Variants in CFHR1 observed in about 807,000 individuals in gnomAD.
CFHR1 encodes the protein complement factor H-related protein 1.
A neutral mutation model predicts 30.4 loss-of-function variants in CFHR1; 22 were observed. The observed-to-expected ratio is 0.72, with a 90% confidence interval of 0.52 to 1.03. The LOEUF (loss-of-function observed/expected upper bound fraction) is 1.03, where lower values mean the gene tolerates loss of function less well. Among genes scored for constraint, CFHR1 ranks in the 50% least tolerant of loss-of-function variants. The pLI, the probability that CFHR1 is intolerant of heterozygous loss-of-function variation, is 0.00. For missense variants in CFHR1, 248 were observed against 380.6 expected, an observed-to-expected ratio of 0.65 and a Z score of 2.90; for synonymous variants, 95 against 129.1, an observed-to-expected ratio of 0.74 and a Z score of 1.79.
At chr1:196,830,792 C>T in intron 5 of CFHR1, 110 bp downstream of exon 5, 1 of 1,358,212 alleles carries the variant, frequency 7.4e-7, no homozygotes, top group Non-Finnish European at 1.0e-6. Flanking sequence ...CTGCTGAATG[C>T]CTGCCTACCA....
rs190159346 is a variant in CFHR1, at chr1:196,830,489, A to G, written c.608-11A>G. 66 of 1,525,112 alleles carry G rather than the reference A, an allele frequency of 4.3e-5. 5 individuals are homozygous for G. In the East Asian group the frequency reaches 1.4e-3, roughly 32 times the overall value. The allele number at this position is 1,525,112 out of a possible 1,614,324, so 94.5% of individuals were successfully genotyped here. ...TCACAATAAATCAAGTGATGAAATG[A>G]TGTTTTTTAGATTCTACGGGAAAAT... On this transcript the variant is annotated splice_polypyrimidine_tract_variant and intron_variant, in intron 4 of 5. Transcript: ENST00000320493.
rs1292153209 is a variant in CFHR1 at position 196,826,814 on chromosome 1, G to A, written c.254-15G>A. ...CTACTTCCATCTTGTACATTAATCC[G>A]TTTTTGGTCCTTAGGACTGTGTTTC... On this transcript the variant is annotated splice_polypyrimidine_tract_variant and intron_variant, in intron 2 of 5. Transcript: ENST00000320493. 2.2e-5 allele frequency: 33 copies of A among 1,516,998 alleles called. 2 individuals carry two copies. Among genetic ancestry groups the A allele is most frequent in the South Asian group, 3.8e-5 (3 of 79,968 alleles). 94.0% of individuals were successfully genotyped at this position (1,516,998 alleles called of 1,614,324 possible). A position where few individuals can be genotyped will look rare whatever the true frequency, so the allele number is the denominator to read the frequency against.
chr1:196,825,532 A>G lies in CFHR1; in HGVS notation c.114A>G (p.Lys38=). The change falls in exon 2 of 6, where the codon AAA becomes AAG. Residue 38 remains lysine, a synonymous_variant. Transcript: ENST00000320493. ...INHGILYDEE[K]YKPFSQVPTG... Reference sequence around the variant, plus strand: ...ATGGAATTCTATATGATGAAGAAAAATATAAGCCATTTTCCCAGGTTCCTA... The same window carrying G: ...ATGGAATTCTATATGATGAAGAAAAGTATAAGCCATTTTCCCAGGTTCCTA... 1 of 1,521,050 alleles carries G rather than the reference A, an allele frequency of 6.6e-7. No individual in the cohort carries two copies. Among genetic ancestry groups the G allele is most frequent in the Middle Eastern group, 1.9e-4 (1 of 5,340 alleles). 94.2% of individuals were successfully genotyped at this position (1,521,050 alleles called of 1,614,324 possible). A position where few individuals can be genotyped will look rare whatever the true frequency, so the allele number is the denominator to read the frequency against.
Position 196,827,018 on chromosome 1 carries a change from C to G in CFHR1, c.430+13C>G. ...TGCAGGTCCACTGGTAAGTACAATGCTGTTCTCTCATATGCTGTTATCTAT... is the reference window on the plus strand; with the variant it reads ...TGCAGGTCCACTGGTAAGTACAATGGTGTTCTCTCATATGCTGTTATCTAT... On this transcript the variant is annotated intron_variant, in intron 3 of 5. Coordinates refer to ENST00000320493, the MANE Select transcript of CFHR1 (RefSeq NM_002113.3). The G allele has an allele frequency of 6.6e-7, 1 of 1,516,914 alleles. No homozygotes were observed. Among genetic ancestry groups the G allele is most frequent in the Non-Finnish European group, 8.9e-7 (1 of 1,121,886 alleles). 94.0% of individuals were successfully genotyped at this position (1,516,914 alleles called of 1,614,324 possible). A position where few individuals can be genotyped will look rare whatever the true frequency, so the allele number is the denominator to read the frequency against.
Position 196,823,337 on chromosome 1 carries a change from G to A in CFHR1, c.59-2140G>A, listed in dbSNP as rs1655196704. On this transcript the variant is annotated intron_variant, in intron 1 of 5. Coordinates refer to ENST00000320493, the MANE Select transcript of CFHR1 (RefSeq NM_002113.3). ...CTGAAGCATAGGTACAATATAAATG[G>A]TTGATGAAAACCAAGTTATTCTGGA... Among the ~76,000 whole-genome samples the A allele has an allele frequency of 1.5e-5, 2 of 134,018 alleles. 1 individual carries two copies. The highest frequency in any genetic ancestry group is 6.4e-5 in the African/African-American group (2 of 31,078). 87.9% of individuals were successfully genotyped at this position (134,018 alleles called of 152,430 possible).
rs1237669941 is a variant in CFHR1 at position 196,831,064 on chromosome 1, G to A, written c.790+382G>A. ...GGAAAATGGCGGGAACCCGGGAGGC[G>A]GAGCTTGCAGTGAGCCGAGTTCGCG... On this transcript the variant is annotated intron_variant, in intron 5 of 5. Coordinates refer to ENST00000320493, the MANE Select transcript of CFHR1 (RefSeq NM_002113.3). Among the ~76,000 whole-genome samples the A allele has an allele frequency of 5.2e-5, 7 of 135,202 alleles. 1 individual carries two copies. The highest frequency in any genetic ancestry group is 2.1e-4 in the Admixed American group (3 of 14,120). 88.7% of individuals were successfully genotyped at this position (135,202 alleles called of 152,430 possible).
In CFHR1 at chr1:196,825,577, C is replaced by T; in HGVS notation, c.159C>T (p.Tyr53=). The T allele has an allele frequency of 6.6e-7, 1 of 1,523,760 alleles. No homozygotes were observed. Among genetic ancestry groups the T allele is most frequent in the Middle Eastern group, 1.9e-4 (1 of 5,348 alleles). 94.4% of individuals were successfully genotyped at this position (1,523,760 alleles called of 1,614,324 possible). A position where few individuals can be genotyped will look rare whatever the true frequency, so the allele number is the denominator to read the frequency against. Reference sequence around the variant, plus strand: ...TTCCTACAGGGGAAGTTTTCTATTACTCCTGTGAATATAATTTTGTGTCTC... The same window carrying T: ...TTCCTACAGGGGAAGTTTTCTATTATTCCTGTGAATATAATTTTGTGTCTC... The part of the protein sequence containing the change: ...SQVPTGEVFY[Y]SCEYNFVSPS... The change falls in exon 2 of 6, where the codon TAC becomes TAT. Residue 53 remains tyrosine, a synonymous_variant. Transcript: ENST00000320493.
chr1:196,830,450 A>T, intron 4 of CFHR1, 50 bp from the exon 5 acceptor site: 1 of 1,500,488 alleles, frequency 6.7e-7, no homozygotes, highest in Non-Finnish European at 9.0e-7. Flanking sequence ...TTGAACTTGT[A>T]TTTTGATTTG....
Position 196,825,507 on chromosome 1 carries a change from A to G in CFHR1, c.89A>G (p.His30Arg), listed in dbSNP as rs1209642811. ...TTTTGTGATTTTCCAAAAATAAACC[A>G]TGGAATTCTATATGATGAAGAAAAA... The part of the protein sequence containing the change: ...ATFCDFPKIN[H>R]GILYDEEKYK... The change falls in exon 2 of 6, where the codon CAT (histidine) becomes CGT (arginine). Residue 30 changes from histidine to arginine, a missense_variant. Physicochemically the swap from His to Arg is conservative, Grantham distance 29. Coordinates refer to ENST00000320493, the MANE Select transcript of CFHR1 (RefSeq NM_002113.3). 1.3e-6 allele frequency: 2 copies of G among 1,516,766 alleles called. No homozygotes were observed. Among genetic ancestry groups the G allele is most frequent in the Non-Finnish European group, 8.9e-7 (1 of 1,122,252 alleles). 94.0% of individuals were successfully genotyped at this position (1,516,766 alleles called of 1,614,324 possible).
intron 2 of CFHR1, 86 bp from the exon 3 acceptor site, chr1:196,826,743 C>T: frequency 7.9e-7 from 1 of 1,260,674 alleles, no homozygotes; most frequent in Non-Finnish European, 1.1e-6. Flanking sequence ...AGCCACTTCA[C>T]CCGGTTTATT....
chr1:196,823,089 A>C, intron 1 of CFHR1, among the ~76,000 whole-genome samples: 1 of 119,868 alleles, frequency 8.3e-6, no homozygotes, highest in African/African-American at 4.1e-5. Flanking sequence ...GACTGTATAT[A>C]TATATATATA....
At position 196,823,093 on chromosome 1, in the gene CFHR1, ATATATATATGTGTGTG is replaced by A. The variant is rs1263598692; in HGVS notation, c.59-2382_59-2367del. Among the ~76,000 whole-genome samples, 1,085 of 120,650 alleles carry A rather than the reference ATATATATATGTGTGTG, an allele frequency of 9.0e-3. 237 individuals carry two copies. The highest frequency in any genetic ancestry group is 0.034 in the African/African-American group (829 of 24,558). The allele number at this position is 120,650 out of a possible 152,430, so 79.2% of individuals were successfully genotyped here. On this transcript the variant is annotated intron_variant, in intron 1 of 5. Transcript: ENST00000320493. ...AATAACTGTACGACTGTATATATAT[ATATATATATGTGTGTG>A]TGTGTGTGTGTGTGTGTGTGTGTGT...
rs1430639207 is a variant in CFHR1 at position 196,831,986 on chromosome 1, G to A, written c.980G>A (p.Cys327Tyr). Residue 327 changes from cysteine to tyrosine, a missense_variant, in exon 6 of 6, where the codon TGT (cysteine) becomes TAT (tyrosine). Around this residue, in one of 3 missense-constraint regions of CFHR1, gnomAD observed 112 missense variants for 156.4 expected, o/e 0.72. Coordinates refer to ENST00000320493, the MANE Select transcript of CFHR1 (RefSeq NM_002113.3). The part of the protein sequence containing the change: ...CWDGKLEYPT[C>Y]AKR The stretch of plus-strand genomic sequence containing the variant: ...GATGGGAAACTGGAGTATCCAACTT[G>A]TGCAAAAAGATAGAATCAATCATAA... The A allele has an allele frequency of 6.6e-7, 1 of 1,522,874 alleles. No individual in the cohort carries two copies. Among genetic ancestry groups the A allele is most frequent in the Non-Finnish European group, 8.9e-7 (1 of 1,126,874 alleles). 94.3% of individuals were successfully genotyped at this position (1,522,874 alleles called of 1,614,324 possible). A position where few individuals can be genotyped will look rare whatever the true frequency, so the allele number is the denominator to read the frequency against.
rs1278914728 is a variant in CFHR1, at chr1:196,830,899, G to T, written c.790+217G>T. Among the ~76,000 whole-genome samples, 8 of 134,432 alleles carry T rather than the reference G, an allele frequency of 6.0e-5. 2 individuals are homozygous for T. The highest frequency in any genetic ancestry group is 1.2e-4 in the Non-Finnish European group (8 of 64,036). The allele number at this position is 134,432 out of a possible 152,430, so 88.2% of individuals were successfully genotyped here. A position where few individuals can be genotyped will look rare whatever the true frequency, so the allele number is the denominator to read the frequency against. On this transcript the variant is annotated intron_variant, in intron 5 of 5. Transcript: ENST00000320493. Reference sequence around the variant, plus strand: ...TCCCAGCACTTTGGGAGGCCGAGGCGGGCAGATCACGAGGTCAGGAGATTG... The same window carrying T: ...TCCCAGCACTTTGGGAGGCCGAGGCTGGCAGATCACGAGGTCAGGAGATTG...
intron 5 of CFHR1, 54 bp downstream of exon 5, chr1:196,830,736 T>C: frequency 2.0e-6 from 3 of 1,503,410 alleles, no homozygotes; most frequent in Non-Finnish European, 2.7e-6. Context: ...GAGTCTGATA[T>C]TTTGCTGTTG....
In CFHR1 at chr1:196,824,343, C is replaced by T. The variant is rs1439830492; in HGVS notation, c.59-1134C>T. On this transcript the variant is annotated intron_variant, in intron 1 of 5. Transcript: ENST00000320493. ...CATGATCTCCGCTCACTGCAACCTC[C>T]CCCTCCTGGGTTCAAGTGATTCTTC... 4.5e-5 allele frequency among the ~76,000 whole-genome samples: 6 copies of T among 133,548 alleles called. 1 individual carries two copies. The highest frequency in any genetic ancestry group is 1.9e-4 in the African/African-American group (6 of 30,780). The allele number at this position is 133,548 out of a possible 152,430, so 87.6% of individuals were successfully genotyped here. A position where few individuals can be genotyped will look rare whatever the true frequency, so the allele number is the denominator to read the frequency against.
intron 2 of CFHR1, chr1:196,825,961 C>G (rs1364083195): frequency 4.1e-6 from 1 of 246,520 alleles, no homozygotes; most frequent in Non-Finnish European, 7.4e-6. Flanking sequence ...ATATTCATTT[C>G]GCAGCAGCCT....
At chr1:196,828,417 G>A (rs388145) in intron 4 of CFHR1, among the ~76,000 whole-genome samples, 171 bp downstream of exon 4, 2 of 134,098 alleles carry the variant, frequency 1.5e-5, no homozygotes, top group Admixed American at 7.2e-5. Context: ...GTAATAGGGT[G>A]TATTATTTTT....
At chr1:196,830,740 G>A in intron 5 of CFHR1, 58 bp downstream of exon 5, 5 of 1,498,156 alleles carry the variant, frequency 3.3e-6, no homozygotes, top group South Asian at 1.3e-5. Context: ...CTGATATTTT[G>A]CTGTTGGTAA....
Sources: allele counts gnomAD v4.1 joint callset (sites outside exome capture counted in the v4.1 genomes callset), GRCh38; gene constraint gnomAD v4.1.1; regional missense constraint gnomAD v4.1.1; transcripts MANE v1.5; gene names NCBI Gene and HGNC (gene_info 2026-07-23, HGNC 2026-07-21).